Variants in ZNF333 observed in about 807,000 individuals in gnomAD.
ZNF333 encodes zinc finger protein 333.
A neutral mutation model predicts 76.1 loss-of-function variants in ZNF333; 61 were observed. The ratio of observed to expected loss-of-function variants is 0.80; its 90% CI spans 0.65 to 0.99. ZNF333 has a LOEUF of 0.99. Among genes scored for constraint, ZNF333 ranks in the 50% least tolerant of loss-of-function variants. The pLI is 0.00. For missense variants in ZNF333, 717 were observed against 822.4 expected, an observed-to-expected ratio of 0.87 and a Z score of 1.57; for synonymous variants, 284 against 305.0, an observed-to-expected ratio of 0.93 and a Z score of 0.72.
intron 8 of ZNF333, among the ~76,000 whole-genome samples, chr19:14,715,823 A>G (rs775492607): frequency 2.6e-5 from 4 of 152,192 alleles, no homozygotes; most frequent in Non-Finnish European, 5.9e-5. Flanking sequence ...AGGGGGACAA[A>G]TCTGTAAGAG....
At chr19:14,724,813 A>T (rs1032290936), downstream of ZNF333, among the ~76,000 whole-genome samples, 5 of 152,312 alleles carry the variant, frequency 3.3e-5, no homozygotes, top group African/African-American at 1.2e-4. Flanking sequence ...TCATTAGGTG[A>T]CTGTGCTGCT....
intron 10 of ZNF333, chr19:14,717,429 C>G (rs1232023372): frequency 1.8e-6 from 1 of 560,222 alleles, no homozygotes; most frequent in Non-Finnish European, 3.2e-6. Context: ...AAATTACCTA[C>G]TATTTCCTTC....
chr19:14,717,306 C>T, intron 10 of ZNF333: 1 of 544,032 alleles, frequency 1.8e-6, no homozygotes, highest in South Asian at 2.5e-5. Context: ...CCTACTTTCT[C>T]TTCATATTTA....
downstream of ZNF333, among the ~76,000 whole-genome samples, chr19:14,725,554 A>G (rs2042628226): frequency 6.6e-6 from 1 of 152,178 alleles, no homozygotes; most frequent in African/African-American, 2.4e-5. Flanking sequence ...AAGACATGTT[A>G]TTTACTTCCA....
At chr19:14,698,517 C>T (rs1407820992) in intron 4 of ZNF333, among the ~76,000 whole-genome samples, 8 of 151,708 alleles carry the variant, frequency 5.3e-5, no homozygotes, top group Admixed American at 3.9e-4. Context: ...TGCACTCCAG[C>T]CTGGGTGACA....
At chr19:14,704,665 A>G (rs1024742174) in intron 5 of ZNF333, among the ~76,000 whole-genome samples, 1 of 151,584 alleles carries the variant, frequency 6.6e-6, no homozygotes, top group African/African-American at 2.4e-5. Context: ...GTGCAGGGAA[A>G]CTCCCCTTAT....
chr19:14,704,355 G>A (rs1413878800), intron 5 of ZNF333, among the ~76,000 whole-genome samples: 2 of 152,046 alleles, frequency 1.3e-5, no homozygotes, highest in African/African-American at 2.4e-5. Context: ...TGTGATCTCA[G>A]CTCACTGCAA....
intron 7 of ZNF333, chr19:14,708,580 A>G: frequency 2.6e-6 from 1 of 378,002 alleles, no homozygotes; most frequent in Non-Finnish European, 4.7e-6. Context: ...GGGCTACTGC[A>G]GCACTGCTGA....
intron 5 of ZNF333, among the ~76,000 whole-genome samples, chr19:14,703,196 C>G (rs2042010345): frequency 7.0e-6 from 1 of 143,322 alleles, no homozygotes; most frequent in Admixed American, 6.9e-5. Context: ...CAGCAAGACT[C>G]CGTCTCAAAA....
At chr19:14,717,120 C>T in intron 10 of ZNF333, 31 bp downstream of exon 10, 2 of 1,568,174 alleles carry the variant, frequency 1.3e-6, no homozygotes, top group Non-Finnish European at 1.7e-6. Context: ...TGAGCATCAG[C>T]TCTGGTCAGT....
intron 10 of ZNF333, 187 bp downstream of exon 10, chr19:14,717,276 C>A (rs1021578656): frequency 7.1e-6 from 4 of 562,972 alleles, no homozygotes; most frequent in South Asian, 7.0e-5. Context: ...ACTTTGCATT[C>A]ATCTCCTAGA....
At chr19:14,692,079 G>A (rs1010197729) in intron 1 of ZNF333, among the ~76,000 whole-genome samples, 1 of 152,130 alleles carries the variant, frequency 6.6e-6, no homozygotes, top group South Asian at 2.1e-4. Context: ...TCACTGGGGT[G>A]CCCTCAATGA....
Position 14,721,280 on chromosome 19 carries a change from C to CTTTTT in ZNF333, c.*1976_*1980dup, listed in dbSNP as rs56066058. 1.6e-3 allele frequency: 139 copies of CTTTTT among 87,696 alleles called. No individual in the cohort carries two copies. The highest frequency in any genetic ancestry group is 3.7e-3 in the East Asian group (10 of 2,696). The allele number at this position is 87,696 out of a possible 1,614,324, so 5.4% of individuals were successfully genotyped here. The stretch of plus-strand genomic sequence containing the variant: ...GGACTAGTCTCCATTTTTACTTGTT[C>CTTTTT]TTTTTTTTTTTTTTTTTTTTTTTTT... On this transcript the variant is annotated 3_prime_UTR_variant, in exon 12 of 12. Transcript: ENST00000292530.
chr19:14,696,791 T>G (rs574643148), intron 4 of ZNF333, among the ~76,000 whole-genome samples: 2 of 134,778 alleles, frequency 1.5e-5, no homozygotes, highest in Non-Finnish European at 3.0e-5. Flanking sequence ...CAGGCTGGAG[T>G]GCAGTGGTAC....
In ZNF333 at chr19:14,705,061, G is replaced by A. The variant is rs1799984307; in HGVS notation, c.314G>A (p.Gly105Glu). 1 of 1,613,796 alleles carries A rather than the reference G, an allele frequency of 6.2e-7. No homozygotes were observed. The highest frequency in any genetic ancestry group is 1.3e-5 in the African/African-American group (1 of 74,936). Reference protein sequence around the residue: ...ASSRDMQMGPGLFLRMQLVPS... With the variant: ...ASSRDMQMGPELFLRMQLVPS... The stretch of plus-strand genomic sequence containing the variant: ...CCTCTTGTCTTTTGCCAGGGGCCGG[G>A]GCTGTTCCTGAGGATGCAGCTGGTG... The change falls in exon 6 of 12, where the codon GGG (glycine) becomes GAG (glutamate). Residue 105 changes from glycine to glutamate, a missense_variant. By Grantham distance (98) the Gly-to-Glu change is moderately conservative. Transcript: ENST00000292530.
intron 4 of ZNF333, 23 bp from the exon 5 acceptor site, chr19:14,699,176 A>G (rs754772704): frequency 3.1e-6 from 5 of 1,599,460 alleles, no homozygotes; most frequent in Non-Finnish European, 4.3e-6. Flanking sequence ...AAAGGAGTTC[A>G]TTTTTTCTCC....
intron 1 of ZNF333, among the ~76,000 whole-genome samples, chr19:14,691,482 A>C (rs1021119230): frequency 1.3e-5 from 2 of 152,246 alleles, no homozygotes; most frequent in South Asian, 4.1e-4. Context: ...TTAACTCCAG[A>C]GGAAAATCAT....
In ZNF333 at chr19:14,719,117, G is replaced by A. The variant is rs756571386; in HGVS notation, c.1790G>A (p.Arg597Gln). The part of the protein sequence containing the change: ...KKPYACQECG[R>Q]AFGQSSHLIV... The stretch of plus-strand genomic sequence containing the variant: ...CCCTATGCATGCCAGGAATGCGGGC[G>A]AGCCTTTGGTCAGTCTTCACATCTT... The change falls in exon 12 of 12, where the codon CGA becomes CAA. Residue 597 changes from arginine to glutamine, a missense_variant. By Grantham distance (43) the Arg-to-Gln change is conservative (BLOSUM62 1). Coordinates refer to ENST00000292530, the MANE Select transcript of ZNF333 (RefSeq NM_032433.4). 11 of 1,614,020 alleles carry A rather than the reference G, an allele frequency of 6.8e-6. No homozygotes were observed. Among genetic ancestry groups the A allele is most frequent in the East Asian group, 4.5e-5 (2 of 44,888 alleles).
exon 12 of ZNF333, chr19:14,731,424 C>T (rs1645981251): frequency 1.8e-6 from 1 of 563,242 alleles, no homozygotes; most frequent in Non-Finnish European, 3.1e-6. Context: ...AGGTTCCCCG[C>T]AAGGAGACTA....
Sources: allele counts gnomAD v4.1 joint callset (sites outside exome capture counted in the v4.1 genomes callset), GRCh38; gene constraint gnomAD v4.1.1; transcripts MANE v1.5; gene names NCBI Gene and HGNC (gene_info 2026-07-23, HGNC 2026-07-21).